The following SWI5 variants were observed in gnomAD, a reference collection of about 807,000 sequenced individuals.
SWI5 encodes the protein DNA repair protein SWI5 homolog.
SWI5 carries 12 observed loss-of-function variants against 17.0 expected under a neutral mutation model. The observed-to-expected ratio is 0.71, with a 90% CI of 0.45 to 1.14. The LOEUF (loss-of-function observed/expected upper bound fraction) is 1.14, where lower values mean the gene tolerates loss of function less well. SWI5 is among the 50% of genes most tolerant of loss of function. SWI5 has a pLI of 0.00. For missense variants in SWI5, 158 were observed against 162.2 expected (o/e 0.97, Z 0.14); for synonymous variants, 61 against 64.0 (o/e 0.95, Z 0.22).
At chr9:128,275,556 G>A (rs370891434), upstream of SWI5, 411 of 1,229,766 alleles carry the variant, frequency 3.3e-4, 6 homozygotes, top group East Asian at 9.3e-3. Flanking sequence ...TCACTGGCGA[G>A]GGCAGGGGCT....
At chr9:128,275,962 G>T, upstream of SWI5, 1 of 1,596,358 alleles carries the variant, frequency 6.3e-7, no homozygotes, top group East Asian at 2.3e-5. Context: ...GAGGGAGGCG[G>T]GGTTGGGGCC....
intron 2 of SWI5, chr9:128,278,668 G>A (rs1157043045): frequency 2.1e-6 from 1 of 471,562 alleles, no homozygotes; most frequent in African/African-American, 2.0e-5. Flanking sequence ...ACGCTTTACT[G>A]TCCCCATGTT....
At chr9:128,276,400 G>C in exon 1 of SWI5, 1 of 1,612,454 alleles carries the variant, frequency 6.2e-7, no homozygotes, top group Non-Finnish European at 8.5e-7. Context: ...CAGGGCTCAG[G>C]AGGTGGGCGA....
At chr9:128,281,658 CT>C (rs1831541855) in intron 2 of SWI5, among the ~76,000 whole-genome samples, 1 of 152,226 alleles carries the variant, frequency 6.6e-6, no homozygotes, top group Non-Finnish European at 1.5e-5. Flanking sequence ...GTTGTAGACA[CT>C]ATGCAATCAG....
Position 128,285,804 on chromosome 9 carries a change from T to G in SWI5, c.234-135T>G. The G allele has an allele frequency of 3.2e-6, 2 of 615,542 alleles. No homozygotes were observed. The highest frequency in any genetic ancestry group is 5.9e-6 in the Non-Finnish European group (2 of 338,332). The allele number at this position is 615,542 out of a possible 1,614,324, so 38.1% of individuals were successfully genotyped here. A position where few individuals can be genotyped will look rare whatever the true frequency, so the allele number is the denominator to read the frequency against. Reference sequence around the variant, plus strand: ...GTAAGCTTCATGAGGGCAGGGCCTATCTTGCTGTCACCATATCCCTAGTAC... The same window carrying G: ...GTAAGCTTCATGAGGGCAGGGCCTAGCTTGCTGTCACCATATCCCTAGTAC... On this transcript the variant is annotated intron_variant, in intron 3 of 4. Coordinates refer to ENST00000418976, the Ensembl canonical transcript of SWI5. The surrounding 1 kb of genome is among the most constrained non-coding windows in gnomAD (Gnocchi z 4.8).
At chr9:128,276,329 C>A (rs1180171324) in exon 1 of SWI5, 1 of 1,613,206 alleles carries the variant, frequency 6.2e-7, no homozygotes, top group Non-Finnish European at 8.5e-7. Context: ...AGGTCGCTCT[C>A]CGACTCCCGC....
chr9:128,275,475 G>A, upstream of SWI5: 1 of 1,304,596 alleles, frequency 7.7e-7, no homozygotes. Context: ...ACCCCGGGAG[G>A]TCCGGTTTGG....
exon 5 of SWI5, chr9:128,288,771 A>G (rs895533800): frequency 2.5e-6 from 4 of 1,593,202 alleles, no homozygotes; most frequent in Non-Finnish European, 3.4e-6. Context: ...TGTGGACATG[A>G]TAAACACTGA....
At position 128,276,264 on chromosome 9, in the gene SWI5, T is replaced by C. The variant is rs199628663; in HGVS notation, c.-77T>C. On this transcript the variant is annotated 5_prime_UTR_variant, in exon 1 of 5. Coordinates refer to ENST00000418976, the Ensembl canonical transcript of SWI5. ...GGCTTTCCTTGGGTGCGCGCGCAGCTTTCTGTGCGCCAGTTCACACTCCGG... is the reference window on the plus strand; with the variant it reads ...GGCTTTCCTTGGGTGCGCGCGCAGCCTTCTGTGCGCCAGTTCACACTCCGG... 1.4e-5 allele frequency: 23 copies of C among 1,612,618 alleles called. No homozygotes were observed. In the East Asian group the frequency reaches 2.7e-4, roughly 19 times the overall value.
chr9:128,275,516 C>CG (rs1831271886), upstream of SWI5: 2 of 1,300,964 alleles, frequency 1.5e-6, no homozygotes, highest in Non-Finnish European at 2.0e-6. Flanking sequence ...GAGTCTGGAG[C>CG]GGGGGGCCCC....
In SWI5 at chr9:128,276,662, C is replaced by T. The variant is rs779080469; in HGVS notation, c.63-45C>T. On this transcript the variant is annotated intron_variant, in intron 1 of 4. Coordinates refer to ENST00000418976, the Ensembl canonical transcript of SWI5. ...TCCCCACAGTACCCCGTCCTCACAG[C>T]GGGCTGTGGGTCCAATCAGACTTTC... 8.1e-6 allele frequency: 13 copies of T among 1,613,900 alleles called. No homozygotes were observed. The East Asian group carries it at 2.9e-4, about 36-fold the overall frequency.
At chr9:128,280,490 A>C (rs1831515955) in intron 2 of SWI5, among the ~76,000 whole-genome samples, 1 of 148,068 alleles carries the variant, frequency 6.8e-6, no homozygotes, top group African/African-American at 2.5e-5. Context: ...AGCACTACTC[A>C]TGGTTGCATC....
chr9:128,281,700 C>T (rs1264853695), intron 2 of SWI5, among the ~76,000 whole-genome samples: 1 of 152,236 alleles, frequency 6.6e-6, no homozygotes, highest in Non-Finnish European at 1.5e-5. Flanking sequence ...CCTCATGGAG[C>T]TTACACTTCA....
upstream of SWI5, chr9:128,275,407 G>A: frequency 7.7e-7 from 1 of 1,291,654 alleles, no homozygotes; most frequent in Non-Finnish European, 9.9e-7. Flanking sequence ...GCCGCTCCGC[G>A]ATGGGGGAGG....
chr9:128,288,948 G>A, exon 5 of SWI5: 2 of 577,296 alleles, frequency 3.5e-6, no homozygotes, highest in South Asian at 4.2e-5. Context: ...TTGTGTAGGG[G>A]TACATGTACT....
At chr9:128,275,371 G>A (rs1831256240), upstream of SWI5, 6 of 1,279,428 alleles carry the variant, frequency 4.7e-6, no homozygotes, top group South Asian at 1.7e-4. Context: ...CACTCCTAGG[G>A]GGAACATCAG....
At chr9:128,280,479 T>C (rs1476704684) in intron 2 of SWI5, among the ~76,000 whole-genome samples, 1 of 146,378 alleles carries the variant, frequency 6.8e-6, no homozygotes, top group Non-Finnish European at 1.5e-5. Context: ...TCCTTTCTAA[T>C]AGCACTACTC....
chr9:128,275,924 C>T (rs200191287), upstream of SWI5: 1 of 1,588,636 alleles, frequency 6.3e-7, no homozygotes, highest in Non-Finnish European at 8.6e-7. Context: ...TTTGCTCTGT[C>T]GGGTTTCTTC....
chr9:128,277,896 G>A (rs998361210), intron 2 of SWI5, among the ~76,000 whole-genome samples: 8 of 151,914 alleles, frequency 5.3e-5, no homozygotes, highest in Non-Finnish European at 8.8e-5. Context: ...TTGACCATGC[G>A]GTAACTCACT....
Sources: allele counts gnomAD v4.1 joint callset (sites outside exome capture counted in the v4.1 genomes callset), GRCh38; gene constraint gnomAD v4.1.1; non-coding constraint Gnocchi (gnomAD v3.1); transcripts MANE v1.5; gene names NCBI Gene and HGNC (gene_info 2026-07-23, HGNC 2026-07-21).